The following WDR49 variants were observed in gnomAD, a reference collection of about 807,000 sequenced individuals.
WDR49 encodes WD repeat domain 49, also known as cilia- and flagella-associated protein 337.
WDR49 carries 107 observed loss-of-function variants against 119.5 expected under a neutral mutation model. The observed-to-expected ratio is 0.90, with a 90% CI of 0.77 to 1.05. The LOEUF (loss-of-function observed/expected upper bound fraction) is 1.05, where lower values mean the gene tolerates loss of function less well. Among genes scored for constraint, WDR49 ranks in the 50% least tolerant of loss-of-function variants. WDR49 has a pLI of 0.00. For synonymous variants in WDR49, 425 were observed against 418.8 expected, an observed-to-expected ratio of 1.01 and a Z score of -0.18; for missense variants, 1,240 against 1,220.5, an observed-to-expected ratio of 1.02 and a Z score of -0.24.
intron 10 of WDR49, among the ~76,000 whole-genome samples, chr3:167,537,954 C>T (rs1373715890): frequency 6.6e-6 from 1 of 152,118 alleles, no homozygotes; most frequent in Non-Finnish European, 1.5e-5. Flanking sequence ...CTCAGAGTTT[C>T]CAGTATGTTC....
At chr3:167,614,844 G>T (rs376192886) in intron 5 of WDR49, among the ~76,000 whole-genome samples, 15 of 152,276 alleles carry the variant, frequency 9.9e-5, no homozygotes, top group African/African-American at 2.6e-4. Flanking sequence ...AATATTTCAT[G>T]AAGAGTTCTA....
rs749091488 is a variant in WDR49, at chr3:167,527,770, A to C, written c.2604+50T>G. ...TTCAAATAGAAATCAGCCCAAGTTAATACTAAATGTCAAGTAAATACTAGA... is the reference window on the plus strand; with the variant it reads ...TTCAAATAGAAATCAGCCCAAGTTACTACTAAATGTCAAGTAAATACTAGA... On this transcript the variant is annotated intron_variant, in intron 15 of 18. Coordinates refer to ENST00000682715, the MANE Select transcript of WDR49 (RefSeq NM_001366157.1). 1.9e-6 allele frequency: 3 copies of C among 1,545,708 alleles called. No individual in the cohort carries two copies. The Admixed American group carries it at 5.5e-5, about 28-fold the overall frequency.
At chr3:167,546,418 T>C (rs532666196) in intron 10 of WDR49, among the ~76,000 whole-genome samples, 191 of 152,036 alleles carry the variant, frequency 1.3e-3, no homozygotes, top group Non-Finnish European at 2.4e-3. Context: ...ATTTCAAAGA[T>C]AACTGTTTTT....
chr3:167,595,565 C>T (rs1342987484), intron 7 of WDR49, among the ~76,000 whole-genome samples: 2 of 152,114 alleles, frequency 1.3e-5, no homozygotes, highest in South Asian at 2.1e-4. Flanking sequence ...AATAACATTG[C>T]ATATCTACAA....
chr3:167,501,913 G>T (rs1241862947), intron 17 of WDR49, among the ~76,000 whole-genome samples: 1 of 152,098 alleles, frequency 6.6e-6, no homozygotes, highest in Non-Finnish European at 1.5e-5. Context: ...TTTTAGAACT[G>T]TATCAGGTAC....
intron 2 of WDR49, among the ~76,000 whole-genome samples, chr3:167,649,832 A>G (rs762114280): frequency 5.3e-5 from 8 of 152,182 alleles, no homozygotes; most frequent in Non-Finnish European, 1.0e-4. Context: ...GCTTGGGCAA[A>G]TGATAGCATG....
intron 17 of WDR49, among the ~76,000 whole-genome samples, chr3:167,501,725 A>G (rs1302493471): frequency 1.3e-5 from 2 of 152,242 alleles, no homozygotes; most frequent in Non-Finnish European, 2.9e-5. Flanking sequence ...ACCTTAGTAT[A>G]ATAATGACTC....
intron 5 of WDR49, among the ~76,000 whole-genome samples, chr3:167,610,071 G>A (rs1374521972): frequency 6.6e-6 from 1 of 151,938 alleles, no homozygotes; most frequent in Non-Finnish European, 1.5e-5. Flanking sequence ...ATGAGCCTCT[G>A]AGACTTGCTG....
intron 11 of WDR49, among the ~76,000 whole-genome samples, chr3:167,533,867 T>G (rs543644299): frequency 6.6e-6 from 1 of 152,068 alleles, no homozygotes; most frequent in Admixed American, 6.5e-5. Context: ...GATGTACAAA[T>G]GGTGACTTTT....
chr3:167,633,350 T>G (rs1717459032), intron 2 of WDR49: 1 of 423,112 alleles, frequency 2.4e-6, no homozygotes, highest in East Asian at 7.1e-5. Flanking sequence ...TCAGCTGCTC[T>G]TCCTCAAAGG....
At chr3:167,654,911 A>G (rs1408745518), upstream of WDR49, among the ~76,000 whole-genome samples, 1 of 152,074 alleles carries the variant, frequency 6.6e-6, no homozygotes, top group African/African-American at 2.4e-5. Flanking sequence ...AAAAGAAAAA[A>G]AAAAAAAGCA....
At chr3:167,485,842 C>T (rs1750900266) in intron 18 of WDR49, among the ~76,000 whole-genome samples, 1 of 151,798 alleles carries the variant, frequency 6.6e-6, no homozygotes, top group Non-Finnish European at 1.5e-5. Context: ...GGATATAGTC[C>T]ACAAATATTT....
upstream of WDR49, among the ~76,000 whole-genome samples, chr3:167,657,094 C>A (rs1050398959): frequency 6.6e-6 from 1 of 152,180 alleles, no homozygotes; most frequent in Non-Finnish European, 1.5e-5. Flanking sequence ...CTCCTTCCCC[C>A]ACAATTTATT....
chr3:167,514,727 G>A (rs910542022), intron 16 of WDR49, among the ~76,000 whole-genome samples: 9 of 150,892 alleles, frequency 6.0e-5, no homozygotes, highest in Middle Eastern at 3.2e-3. Context: ...TAAGAAAATA[G>A]ATAGATTGCT....
intron 11 of WDR49, among the ~76,000 whole-genome samples, chr3:167,534,930 T>C (rs928873272): frequency 6.6e-6 from 1 of 152,166 alleles, no homozygotes; most frequent in African/African-American, 2.4e-5. Flanking sequence ...CACCAACGTG[T>C]GATTCGTACC....
At position 167,621,619 on chromosome 3, in the gene WDR49, C is replaced by T; in HGVS notation, c.631G>A (p.Glu211Lys). 8 of 1,533,376 alleles carry T rather than the reference C, an allele frequency of 5.2e-6. No individual in the cohort carries two copies. The South Asian group carries it at 8.4e-5, about 16-fold the overall frequency. 95.0% of individuals were successfully genotyped at this position (1,533,376 alleles called of 1,614,324 possible). The part of the protein sequence containing the change: ...NKIAVAFTSK[E>K]VCFYDLLSKE... ...GACAGCAGATCATAGAAACAAACCT[C>T]TTTACTTGTAAAAGCCACTGCTATC... The change falls in exon 4 of 19, where the codon GAG becomes AAG. Residue 211 changes from glutamate (E) to lysine (K), a missense_variant. Transcript: ENST00000682715.
chr3:167,654,220 G>T (rs573936650), upstream of WDR49, among the ~76,000 whole-genome samples: 1 of 152,014 alleles, frequency 6.6e-6, no homozygotes, highest in Non-Finnish European at 1.5e-5. Flanking sequence ...TAGTCAAAGA[G>T]AAAAGCATGA....
chr3:167,573,216 C>T (rs1308263213), intron 8 of WDR49, among the ~76,000 whole-genome samples: 1 of 152,000 alleles, frequency 6.6e-6, no homozygotes, highest in African/African-American at 2.4e-5. Context: ...ATTCCTACAC[C>T]CCCACAGACA....
chr3:167,567,987 A>T (rs1014995535), intron 8 of WDR49, among the ~76,000 whole-genome samples: 4 of 152,332 alleles, frequency 2.6e-5, no homozygotes, highest in African/African-American at 9.6e-5. Context: ...TTTATAGACA[A>T]GTGCTGTCCT....
Sources: gnomAD v4.1 joint callset for allele counts (sites outside exome capture counted in the v4.1 genomes callset) on GRCh38, gnomAD v4.1.1 for gene constraint, MANE v1.5 for transcripts, NCBI Gene and HGNC (gene_info 2026-07-23, HGNC 2026-07-21) for gene names.